Variants in SEBOX observed in about 807,000 individuals in gnomAD.
SEBOX encodes SEBOX homeobox, also known as homeobox protein SEBOX.
A neutral mutation model predicts 7.8 loss-of-function variants in SEBOX; 10 were observed. The observed-to-expected ratio is 1.28, with a 90% CI of 0.79 to 2.17. SEBOX has a LOEUF of 2.17. Among genes scored for constraint, SEBOX ranks in the 30% most tolerant of loss-of-function variants. The pLI is 0.00. For missense variants in SEBOX, 240 were observed against 239.5 expected (o/e 1.00, Z -0.01); for synonymous variants, 98 against 91.5 (o/e 1.07, Z -0.40).
chr17:28,364,948 G>GCCA lies in SEBOX; in HGVS notation c.36_38dup (p.Gly13dup). ...TTCTCCGGTGGGAACCCAACCCGCTGCCACCGTCTGCAGGCCATGGTGGGG... is the reference window on the plus strand; with the variant it reads ...TTCTCCGGTGGGAACCCAACCCGCTGCCACCACCGTCTGCAGGCCATGGTGGGG... On this transcript the variant is annotated inframe_insertion, in exon 2 of 3. Transcript: ENST00000536498. The GCCA allele has an allele frequency of 6.2e-7, 1 of 1,609,854 alleles. No homozygotes were observed. Among genetic ancestry groups the GCCA allele is most frequent in the African/African-American group, 1.3e-5 (1 of 74,968 alleles).
Position 28,364,532 on chromosome 17 carries a change from G to C in SEBOX, c.309C>G (p.Pro103=). The change falls in exon 3 of 3, where the codon CCC becomes CCG. Residue 103 remains proline (P), a synonymous_variant. Transcript: ENST00000536498. ...GTTGGCCTGGCATTTGGGGATCCCA[G>C]GGCTGCTGGAGGGTGTCTGGAAGAG... ...SCSLPDTLQQ[P]WDPQMPGQPP... 6.2e-7 allele frequency: 1 copy of C among 1,602,344 alleles called. No homozygotes were observed.
In SEBOX at chr17:28,365,102, A is replaced by G. The variant is rs782180292; in HGVS notation, c.31+19T>C. 3.7e-6 allele frequency: 6 copies of G among 1,601,690 alleles called. No homozygotes were observed. The Admixed American group carries it at 5.1e-5, about 14-fold the overall frequency. On this transcript the variant is annotated intron_variant, in intron 1 of 2. Transcript: ENST00000536498. Reference sequence around the variant, plus strand: ...TGGCCTGCGTTCTCACCCTGCCCACACTTCCCCCATCAGATCACCTGCTGA... The same window carrying G: ...TGGCCTGCGTTCTCACCCTGCCCACGCTTCCCCCATCAGATCACCTGCTGA...
chr17:28,364,217 A>T lies in SEBOX; in HGVS notation c.*51T>A. 1.3e-6 allele frequency: 2 copies of T among 1,538,038 alleles called. No homozygotes were observed. Among genetic ancestry groups the T allele is most frequent in the African/African-American group, 1.4e-5 (1 of 73,516 alleles). On this transcript the variant is annotated 3_prime_UTR_variant, in exon 3 of 3. Transcript: ENST00000536498. ...TGATGTGTTCAATCCCAGGAGGGGC[A>T]GGGTGGGCCACAGGAGTCAGAGGAG...
At chr17:28,365,077 T>C (rs1407960144) in intron 1 of SEBOX, 44 bp downstream of exon 1, 2 of 1,586,022 alleles carry the variant, frequency 1.3e-6, no homozygotes, top group Non-Finnish European at 1.7e-6. Context: ...CATCCTACCA[T>C]GGCCTGCGTT....
rs1251066120 is a variant in SEBOX at position 28,364,545 on chromosome 17, GTGTC to G, written c.292_295del (p.Asp98ProfsTer37). On this transcript the variant is annotated frameshift_variant, in exon 3 of 3. Transcript: ENST00000536498. LOFTEE classifies it low-confidence loss of function (END_TRUNC). ...TTGGGGATCCCAGGGCTGCTGGAGG[GTGTC>G]TGGAAGAGAACAGGAGCTCTGGGGG... 51 of 1,593,546 alleles carry G rather than the reference GTGTC, an allele frequency of 3.2e-5. No individual in the cohort carries two copies. Among genetic ancestry groups the G allele is most frequent in the Non-Finnish European group, 3.6e-5 (42 of 1,167,984 alleles).
chr17:28,364,210 G>A lies in SEBOX; in HGVS notation c.*58C>T. On this transcript the variant is annotated 3_prime_UTR_variant, in exon 3 of 3. Transcript: ENST00000536498. ...CCACTTCTGATGTGTTCAATCCCAG[G>A]AGGGGCAGGGTGGGCCACAGGAGTC... 6.6e-7 allele frequency: 1 copy of A among 1,511,768 alleles called. No individual in the cohort carries two copies. The highest frequency in any genetic ancestry group is 1.3e-5 in the South Asian group (1 of 78,212). The allele number at this position is 1,511,768 out of a possible 1,614,324, so 93.6% of individuals were successfully genotyped here.
intron 1 of SEBOX, 34 bp from the exon 2 acceptor site, chr17:28,364,989 C>A: frequency 6.3e-7 from 1 of 1,593,910 alleles, no homozygotes; most frequent in Non-Finnish European, 8.5e-7. Flanking sequence ...GCTGGGACTC[C>A]CTGCAAGAGC....
rs782494626 is a variant in SEBOX at position 28,363,536 on chromosome 17, G to A, written c.*732C>T. On this transcript the variant is annotated 3_prime_UTR_variant, in exon 3 of 3. Transcript: ENST00000536498. ...GTACAGAGTTTGGGTTTTATTTGGA[G>A]ATTAGTTGGTATTACAGGTGATGGT... 6 of 152,156 alleles carry A rather than the reference G, an allele frequency of 3.9e-5. No individual in the cohort carries two copies. Among genetic ancestry groups the A allele is most frequent in the Non-Finnish European group, 7.3e-5 (5 of 68,030 alleles). The allele number at this position is 152,156 out of a possible 1,614,324, so 9.4% of individuals were successfully genotyped here. A position where few individuals can be genotyped will look rare whatever the true frequency, so the allele number is the denominator to read the frequency against.
chr17:28,365,017 G>T, intron 1 of SEBOX, 62 bp from the exon 2 acceptor site: 3 of 1,581,600 alleles, frequency 1.9e-6, no homozygotes, highest in Non-Finnish European at 2.6e-6. Flanking sequence ...CAGCCTCAAA[G>T]CCCTCAATCA....
chr17:28,364,985 A>T, intron 1 of SEBOX, 30 bp from the exon 2 acceptor site: 1 of 1,596,566 alleles, frequency 6.3e-7, no homozygotes, highest in Admixed American at 1.8e-5. Context: ...TCAAGCTGGG[A>T]CTCCCTGCAA....
rs782076882 is a variant in SEBOX at position 28,364,250 on chromosome 17, G to A, written c.*18C>T. 1.9e-6 allele frequency: 3 copies of A among 1,589,656 alleles called. No homozygotes were observed. The highest frequency in any genetic ancestry group is 3.4e-5 in the Admixed American group (2 of 58,312). On this transcript the variant is annotated 3_prime_UTR_variant, in exon 3 of 3. Coordinates refer to ENST00000536498, the MANE Select transcript of SEBOX (RefSeq NM_001080837.4). ...CCACAGGAGTCAGAGGAGGGGCCTT[G>A]CAAGTTCTGGACAAAGACTAGGAGT... is the stretch of plus-strand genomic sequence containing the variant.
chr17:28,364,882 C>T lies in SEBOX; in HGVS notation c.105G>A (p.Glu35=), dbSNP rs2067896146. The change falls in exon 2 of 3, where the codon GAG becomes GAA. Residue 35 remains glutamate (E), a synonymous_variant. Transcript: ENST00000536498. ...TFSKGQLLEL[E]RAFAAWPYPN... is the part of the protein sequence containing the mutation. ...GGTAGGGCCATGCTGCAAACGCCCTCTCCAGCTCCAGTAGCTGCCCTTTGC... is the reference window on the plus strand; with the variant it reads ...GGTAGGGCCATGCTGCAAACGCCCTTTCCAGCTCCAGTAGCTGCCCTTTGC... 1 of 1,613,926 alleles carries T rather than the reference C, an allele frequency of 6.2e-7. No homozygotes were observed. The highest frequency in any genetic ancestry group is 8.5e-7 in the Non-Finnish European group (1 of 1,179,864).
rs2067896589 is a variant in SEBOX, at chr17:28,364,914, T to C, written c.73A>G (p.Thr25Ala). The C allele has an allele frequency of 6.2e-7, 1 of 1,613,404 alleles. No individual in the cohort carries two copies. Among genetic ancestry groups the C allele is most frequent in the South Asian group, 1.1e-5 (1 of 91,004 alleles). ...GLGSHRRKRT[T>A]FSKGQLLELE... Reference sequence around the variant, plus strand: ...TCCAGTAGCTGCCCTTTGCTGAAGGTGGTCCGCTTTCTCCGGTGGGAACCC... The same window carrying C: ...TCCAGTAGCTGCCCTTTGCTGAAGGCGGTCCGCTTTCTCCGGTGGGAACCC... Residue 25 changes from threonine (T) to alanine (A), a missense_variant, in exon 2 of 3, where the codon ACC (threonine) becomes GCC (alanine). Coordinates refer to ENST00000536498, the MANE Select transcript of SEBOX (RefSeq NM_001080837.4).
Position 28,364,328 on chromosome 17 carries a change from T to A in SEBOX, c.513A>T (p.Leu171=), listed in dbSNP as rs902743839. The A allele has an allele frequency of 1.9e-6, 3 of 1,603,624 alleles. No homozygotes were observed. The highest frequency in any genetic ancestry group is 2.6e-6 in the Non-Finnish European group (3 of 1,175,052). Residue 171 remains leucine (L), a synonymous_variant, in exon 3 of 3, where the codon CTA becomes CTT. Coordinates refer to ENST00000536498, the MANE Select transcript of SEBOX (RefSeq NM_001080837.4). ...SLERATPQTS[L]GSLSDLIYAL... is the part of the protein sequence containing the mutation. ...CATAGATGAGGTCAGACAGGCTGCCTAGTGAAGTCTGGGGAGTAGCTCGCT... is the reference window on the plus strand; with the variant it reads ...CATAGATGAGGTCAGACAGGCTGCCAAGTGAAGTCTGGGGAGTAGCTCGCT...
At position 28,364,291 on chromosome 17, in the gene SEBOX, C is replaced by T; in HGVS notation, c.550G>A (p.Val184Ile). 1 of 1,607,704 alleles carries T rather than the reference C, an allele frequency of 6.2e-7. No individual in the cohort carries two copies. ...LSDLIYALAI[V>I]VNVDHS ...GACTAGGAGTGGTCCACATTGACGA[C>T]AATGGCCAAGGCATAGATGAGGTCA... The change falls in exon 3 of 3, where the codon GTC becomes ATC. Residue 184 changes from valine to isoleucine, a missense_variant. Val to Ile is a conservative substitution (Grantham distance 29). Transcript: ENST00000536498.
chr17:28,363,607 G>A lies in SEBOX; in HGVS notation c.*661C>T, dbSNP rs1158255658. The A allele has an allele frequency of 1.3e-5, 2 of 152,220 alleles. No homozygotes were observed. The highest frequency in any genetic ancestry group is 2.9e-5 in the Non-Finnish European group (2 of 68,052). 9.4% of individuals were successfully genotyped at this position (152,220 alleles called of 1,614,324 possible). On this transcript the variant is annotated 3_prime_UTR_variant, in exon 3 of 3. Coordinates refer to ENST00000536498, the MANE Select transcript of SEBOX (RefSeq NM_001080837.4). Reference sequence around the variant, plus strand: ...CTATACCTGCCTCCATCCCAGATCTGTCAGGTTGTCTCCACAGCCCCACAT... The same window carrying A: ...CTATACCTGCCTCCATCCCAGATCTATCAGGTTGTCTCCACAGCCCCACAT...
In SEBOX at chr17:28,364,352, C is replaced by T. The variant is rs1555582645; in HGVS notation, c.489G>A (p.Glu163=). 4 of 1,598,232 alleles carry T rather than the reference C, an allele frequency of 2.5e-6. No individual in the cohort carries two copies. Among genetic ancestry groups the T allele is most frequent in the Non-Finnish European group, 2.6e-6 (3 of 1,172,394 alleles). ...AGASEVHPSL[E]RATPQTSLGS... is the part of the protein sequence containing the mutation. Reference sequence around the variant, plus strand: ...CTAGTGAAGTCTGGGGAGTAGCTCGCTCTAAAGAAGGGTGGACCTCTGAAG... The same window carrying T: ...CTAGTGAAGTCTGGGGAGTAGCTCGTTCTAAAGAAGGGTGGACCTCTGAAG... The change falls in exon 3 of 3, where the codon GAG becomes GAA. Residue 163 remains glutamate (E), a synonymous_variant. Coordinates refer to ENST00000536498, the MANE Select transcript of SEBOX (RefSeq NM_001080837.4).
At position 28,364,448 on chromosome 17, in the gene SEBOX, T is replaced by C. The variant is rs782369113; in HGVS notation, c.393A>G (p.Pro131=). The change falls in exon 3 of 3, where the codon CCA becomes CCG. Residue 131 remains proline (P), a synonymous_variant. Transcript: ENST00000536498. ...RTSVCRHSSC[P]APGLSPRQGW... The stretch of plus-strand genomic sequence containing the variant: ...CCTGCCGTGGACTCAAGCCAGGAGC[T>C]GGACAGGAGCTATGTCGACACACTG... 6.2e-7 allele frequency: 1 copy of C among 1,601,160 alleles called. No homozygotes were observed. The highest frequency in any genetic ancestry group is 1.1e-5 in the South Asian group (1 of 90,066).
At position 28,364,945 on chromosome 17, in the gene SEBOX, G is replaced by C. The variant is rs557122352; in HGVS notation, c.42C>G (p.Ser14Arg). ...PVDASSADGG[S>R]GLGSHRRKRT... ...GCTTTCTCCGGTGGGAACCCAACCCGCTGCCACCGTCTGCAGGCCATGGTG... is the reference window on the plus strand; with the variant it reads ...GCTTTCTCCGGTGGGAACCCAACCCCCTGCCACCGTCTGCAGGCCATGGTG... Residue 14 changes from serine to arginine, a missense_variant, in exon 2 of 3, where the codon AGC becomes AGG. Physicochemically the swap from Ser to Arg is moderately radical, Grantham distance 110 (BLOSUM62 -1). Transcript: ENST00000536498. The C allele has an allele frequency of 6.2e-7, 1 of 1,610,506 alleles. No homozygotes were observed.
Sources: gnomAD v4.1 joint callset for allele counts on GRCh38, gnomAD v4.1.1 for gene constraint, MANE v1.5 for transcripts, NCBI Gene and HGNC (gene_info 2026-07-23, HGNC 2026-07-21) for gene names.